DEGS2: variants seen among roughly 807,000 people sequenced by gnomAD.
DEGS2 encodes the protein sphingolipid delta(4)-desaturase/C4-monooxygenase DES2.
A neutral mutation model predicts 23.8 loss-of-function variants in DEGS2; 19 were observed. The observed-to-expected ratio is 0.80, with a 90% confidence interval of 0.56 to 1.17. The LOEUF is 1.17. Among genes scored for constraint, DEGS2 ranks in the 50% most tolerant of loss-of-function variants. DEGS2 has a pLI of 0.00. For synonymous variants in DEGS2, 218 were observed against 213.7 expected (o/e 1.02, Z -0.18); for missense variants, 390 against 459.5 (o/e 0.85, Z 1.38).
chr14:100,148,949 T>C lies in DEGS2; in HGVS notation c.825+19A>G, dbSNP rs1174127210. On this transcript the variant is annotated intron_variant, in intron 2 of 2. Coordinates refer to ENST00000305631, the MANE Select transcript of DEGS2 (RefSeq NM_206918.3). The stretch of plus-strand genomic sequence containing the variant: ...GTGCAGCCCTGCCCCGCCGCAGCCC[T>C]GCCAGCCCAGCCACATACCAGCGGC... 6 of 1,607,436 alleles carry C rather than the reference T, an allele frequency of 3.7e-6. No homozygotes were observed. Among genetic ancestry groups the C allele is most frequent in the Non-Finnish European group, 5.1e-6 (6 of 1,176,558 alleles).
At chr14:100,159,091 C>G (rs1360887608) in intron 1 of DEGS2, among the ~76,000 whole-genome samples, 3 of 152,186 alleles carry the variant, frequency 2.0e-5, no homozygotes, top group Non-Finnish European at 4.4e-5. Flanking sequence ...GCAGCAGGCG[C>G]CCAGTGACTG....
intron 1 of DEGS2, among the ~76,000 whole-genome samples, chr14:100,158,086 CAAA>C (rs55666851): frequency 0.045 from 4,425 of 97,902 alleles, 254 homozygotes; most frequent in African/African-American, 0.16. Flanking sequence ...GACTTCCTCT[CAAA>C]AAAAAAAAAA....
At chr14:100,160,500 G>C (rs987149809), upstream of DEGS2, among the ~76,000 whole-genome samples, 6 of 152,214 alleles carry the variant, frequency 3.9e-5, no homozygotes, top group African/African-American at 1.4e-4. Flanking sequence ...TCTAGTTTTG[G>C]GGAGGTAAGG....
Position 100,146,911 on chromosome 14 carries a change from TAG to T in DEGS2, c.826-6_826-5del, listed in dbSNP as rs750379367. On this transcript the variant is annotated splice_region_variant and splice_polypyrimidine_tract_variant and intron_variant, in intron 2 of 2. Coordinates refer to ENST00000305631, the MANE Select transcript of DEGS2 (RefSeq NM_206918.3). ...ACTCGGGCGCGATCTTCCGCACCTGTAGAGAGGAGGGCGGGGCTCAGGGGCTG... is the reference window on the plus strand; with the variant it reads ...ACTCGGGCGCGATCTTCCGCACCTGTAGAGGAGGGCGGGGCTCAGGGGCTG... The T allele has an allele frequency of 4.3e-6, 7 of 1,611,120 alleles. No homozygotes were observed. In the East Asian group the frequency reaches 1.1e-4, roughly 26 times the overall value.
Position 100,149,106 on chromosome 14 carries a change from G to C in DEGS2, c.687C>G (p.Phe229Leu). The change falls in exon 2 of 3, where the codon TTC becomes TTG. Residue 229 changes from phenylalanine to leucine, a missense_variant. Transcript: ENST00000305631. ...GLGLHPISGH[F>L]VAEHYMFLKG... is the part of the protein sequence containing the mutation. ...TGAGGAACATGTAGTGCTCGGCCACGAAGTGGCCCGAGATGGGGTGCAGGC... is the reference window on the plus strand; with the variant it reads ...TGAGGAACATGTAGTGCTCGGCCACCAAGTGGCCCGAGATGGGGTGCAGGC... 1 of 1,612,996 alleles carries C rather than the reference G, an allele frequency of 6.2e-7. No individual in the cohort carries two copies. Among genetic ancestry groups the C allele is most frequent in the Non-Finnish European group, 8.5e-7 (1 of 1,180,002 alleles).
At chr14:100,155,941 G>A (rs967604485) in intron 1 of DEGS2, among the ~76,000 whole-genome samples, 1 of 151,880 alleles carries the variant, frequency 6.6e-6, no homozygotes, top group Non-Finnish European at 1.5e-5. Flanking sequence ...GGCCAGTCTC[G>A]CTGGCTCCGG....
upstream of DEGS2, among the ~76,000 whole-genome samples, chr14:100,162,665 G>C (rs1424177816): frequency 6.6e-6 from 1 of 152,242 alleles, no homozygotes; most frequent in Non-Finnish European, 1.5e-5. Context: ...TGGAAACTGA[G>C]AGGGAGCCCA....
In DEGS2 at chr14:100,149,106, G is replaced by A. The variant is rs145891510; in HGVS notation, c.687C>T (p.Phe229=). The change falls in exon 2 of 3, where the codon TTC becomes TTT. Residue 229 remains phenylalanine (F), a synonymous_variant. Transcript: ENST00000305631. The part of the protein sequence containing the change: ...GLGLHPISGH[F]VAEHYMFLKG... ...TGAGGAACATGTAGTGCTCGGCCACGAAGTGGCCCGAGATGGGGTGCAGGC... is the reference window on the plus strand; with the variant it reads ...TGAGGAACATGTAGTGCTCGGCCACAAAGTGGCCCGAGATGGGGTGCAGGC... The A allele has an allele frequency of 1.5e-4, 234 of 1,612,878 alleles. No individual in the cohort carries two copies. The highest frequency in any genetic ancestry group is 1.7e-4 in the Non-Finnish European group (205 of 1,180,010).
intron 1 of DEGS2, among the ~76,000 whole-genome samples, chr14:100,156,348 T>C (rs907711771): frequency 6.6e-6 from 1 of 152,222 alleles, no homozygotes; most frequent in Non-Finnish European, 1.5e-5. Context: ...AGCATAGGCA[T>C]GGAGGAAGCA....
intron 1 of DEGS2, among the ~76,000 whole-genome samples, chr14:100,150,516 T>TGG (rs1889552966): frequency 6.6e-6 from 1 of 151,948 alleles, no homozygotes; most frequent in African/African-American, 2.4e-5. Flanking sequence ...CAGGCAGCTC[T>TGG]GGGGAGGGCC....
intron 1 of DEGS2, among the ~76,000 whole-genome samples, chr14:100,151,819 T>C (rs61991312): frequency 0.027 from 4,099 of 152,232 alleles, 82 homozygotes; most frequent in Non-Finnish European, 0.04. Context: ...CCAAGGTCAG[T>C]TGACTGACTC....
chr14:100,161,329 A>C (rs1281032103), upstream of DEGS2, among the ~76,000 whole-genome samples: 5 of 152,170 alleles, frequency 3.3e-5, no homozygotes, highest in East Asian at 9.6e-4. Context: ...GAGGCCAGAG[A>C]GGGGACAAGT....
chr14:100,159,634 T>C lies in DEGS2; in HGVS notation c.-47A>G, dbSNP rs1312208655. 4.3e-6 allele frequency: 5 copies of C among 1,163,558 alleles called. No homozygotes were observed. Among genetic ancestry groups the C allele is most frequent in the Non-Finnish European group, 5.5e-6 (5 of 908,806 alleles). The allele number at this position is 1,163,558 out of a possible 1,614,324, so 72.1% of individuals were successfully genotyped here. ...CGGAGCGCGGCCGGCTCGGCTCTGCTGCACCTGTCGCGGCGGCCGCGGCGC... is the reference window on the plus strand; with the variant it reads ...CGGAGCGCGGCCGGCTCGGCTCTGCCGCACCTGTCGCGGCGGCCGCGGCGC... On this transcript the variant is annotated 5_prime_UTR_variant, in exon 1 of 3. Coordinates refer to ENST00000305631, the MANE Select transcript of DEGS2 (RefSeq NM_206918.3).
At chr14:100,152,191 G>T (rs1473190678) in intron 1 of DEGS2, among the ~76,000 whole-genome samples, 1 of 152,176 alleles carries the variant, frequency 6.6e-6, no homozygotes, top group African/African-American at 2.4e-5. Context: ...AGCGAGGGTG[G>T]GTCTGCCTAG....
chr14:100,162,688 A>G (rs1221815884), upstream of DEGS2, among the ~76,000 whole-genome samples: 2 of 152,066 alleles, frequency 1.3e-5, no homozygotes, highest in African/African-American at 4.8e-5. Flanking sequence ...ACGGCCAGCT[A>G]CTCTTCAGTG....
At chr14:100,153,268 T>C (rs963367544) in intron 1 of DEGS2, among the ~76,000 whole-genome samples, 6 of 80,072 alleles carry the variant, frequency 7.5e-5, no homozygotes, top group African/African-American at 1.6e-4. Context: ...GATAGATAGA[T>C]AGATAGATAG....
chr14:100,166,308 T>TGCGGGGGAGTG, the DEGS2 span, among the ~76,000 whole-genome samples: 1 of 12,108 alleles, frequency 8.3e-5, no homozygotes, highest in African/African-American at 5.5e-4. Context: ...CCCGGGGCTG[T>TGCGGGGGAGTG]GGGGGAGCCT....
upstream of DEGS2, among the ~76,000 whole-genome samples, chr14:100,162,129 C>T (rs184088139): frequency 2.6e-5 from 4 of 150,982 alleles, no homozygotes; most frequent in African/African-American, 7.3e-5. Flanking sequence ...AGGTGGATCA[C>T]GAGGTCAGGA....
At chr14:100,166,608 G>A in the DEGS2 span, among the ~76,000 whole-genome samples, 1 of 152,082 alleles carries the variant, frequency 6.6e-6, no homozygotes, top group African/African-American at 2.4e-5. Flanking sequence ...AGCTTACCAG[G>A]GGGCCGCGCT....
Sources: gnomAD v4.1 joint callset for allele counts (sites outside exome capture counted in the v4.1 genomes callset) on GRCh38, gnomAD v4.1.1 for gene constraint, MANE v1.5 for transcripts, NCBI Gene and HGNC (gene_info 2026-07-23, HGNC 2026-07-21) for gene names.